KPNA7: variants seen among roughly 807,000 people sequenced by gnomAD.
KPNA7 encodes karyopherin subunit alpha 7, also known as importin subunit alpha-8.
Under a neutral mutation model 53.7 loss-of-function variants are expected in KPNA7, and 54 were observed. The ratio of observed to expected loss-of-function variants is 1.01; its 90% CI spans 0.81 to 1.26. The LOEUF (loss-of-function observed/expected upper bound fraction) is 1.26. KPNA7 is among the 50% of genes most tolerant of loss of function. The pLI, the probability that KPNA7 is intolerant of heterozygous loss-of-function variation, is 0.00. For missense variants in KPNA7, 640 were observed against 644.5 expected, an observed-to-expected ratio of 0.99 and a Z score of 0.07; for synonymous variants, 276 against 259.3, an observed-to-expected ratio of 1.06 and a Z score of -0.62.
chr7:99,168,378 G>A, the KPNA7 span, among the ~76,000 whole-genome samples: 4 of 152,092 alleles, frequency 2.6e-5, no homozygotes, highest in African/African-American at 9.7e-5. Context: ...GGAATAGGGG[G>A]GTTAGTATCC....
In KPNA7 at chr7:99,195,133, G is replaced by A. The variant is rs1295031684; in HGVS notation, c.490C>T (p.Leu164Phe). The change falls in exon 5 of 11, where the codon CTC (leucine) becomes TTC (phenylalanine). Residue 164 changes from leucine (L) to phenylalanine (F), a missense_variant. Physicochemically the swap from Leu to Phe is conservative, Grantham distance 22. Coordinates refer to ENST00000327442, the MANE Select transcript of KPNA7 (RefSeq NM_001145715.3). Reference sequence around the variant, plus strand: ...ACAGCCACGTTGGAGGAAGACAGGAGCTCAATCAAGGGCTGGATGGCTCCC... The same window carrying A: ...ACAGCCACGTTGGAGGAAGACAGGAACTCAATCAAGGGCTGGATGGCTCCC... The part of the protein sequence containing the change: ...EGGAIQPLIE[L>F]LSSSNVAVCE... The A allele has an allele frequency of 6.4e-7, 1 of 1,551,610 alleles. No homozygotes were observed.
intron 3 of KPNA7, among the ~76,000 whole-genome samples, chr7:99,196,530 G>C (rs1790237293): frequency 6.6e-6 from 1 of 152,162 alleles, no homozygotes; most frequent in African/African-American, 2.4e-5. Flanking sequence ...AACTTTTTCA[G>C]CACTGTAGAA....
chr7:99,187,925 C>A (rs1789701609), intron 7 of KPNA7, among the ~76,000 whole-genome samples: 1 of 149,994 alleles, frequency 6.7e-6, no homozygotes, highest in South Asian at 2.1e-4. Flanking sequence ...CCTCTAATCC[C>A]AGTCGTTTGG....
chr7:99,207,158 C>T (rs964230697), intron 2 of KPNA7, among the ~76,000 whole-genome samples: 14 of 152,116 alleles, frequency 9.2e-5, no homozygotes, highest in African/African-American at 3.4e-4. Context: ...CCTCAGCCTC[C>T]CAAGTAGCTG....
the KPNA7 span, among the ~76,000 whole-genome samples, chr7:99,158,782 G>C: frequency 5.3e-5 from 8 of 152,062 alleles, no homozygotes; most frequent in Non-Finnish European, 1.0e-4. Context: ...GATTACAGGT[G>C]TGAGCTACCA....
chr7:99,169,100 G>A (rs1160177975), downstream of KPNA7, among the ~76,000 whole-genome samples: 1 of 152,114 alleles, frequency 6.6e-6, no homozygotes, highest in Non-Finnish European at 1.5e-5. Flanking sequence ...CGGTTGCAGT[G>A]AGCTGAGATC....
At chr7:99,164,864 G>A in the KPNA7 span, among the ~76,000 whole-genome samples, 195 of 152,276 alleles carry the variant, frequency 1.3e-3, 1 homozygote, top group African/African-American at 4.5e-3. Context: ...TTGGGAGGCC[G>A]AGGCAGGAGG....
chr7:99,219,084 C>T (rs1264023509), intron 1 of KPNA7, among the ~76,000 whole-genome samples: 1 of 152,224 alleles, frequency 6.6e-6, no homozygotes, highest in Non-Finnish European at 1.5e-5. Flanking sequence ...GGTTCTTATG[C>T]GTGAACGCAG....
downstream of KPNA7, among the ~76,000 whole-genome samples, chr7:99,169,385 C>T (rs183278049): frequency 9.1e-4 from 138 of 151,752 alleles, no homozygotes; most frequent in African/African-American, 3.3e-3. Context: ...TTTGGGAGGC[C>T]GAGGTGGGCA....
chr7:99,203,019 G>A, intron 3 of KPNA7, 87 bp downstream of exon 3: 1 of 1,468,388 alleles, frequency 6.8e-7, no homozygotes, highest in African/African-American at 1.4e-5. Flanking sequence ...GAGTTTGCAA[G>A]TTCTGAATCT....
chr7:99,166,064 T>TTC, the KPNA7 span, among the ~76,000 whole-genome samples: 1 of 152,218 alleles, frequency 6.6e-6, no homozygotes, highest in East Asian at 1.9e-4. Flanking sequence ...CTGCCTCCCC[T>TTC]TCACCTTCTG....
intron 3 of KPNA7, 100 bp from the exon 4 acceptor site, chr7:99,196,266 G>C: frequency 3.8e-6 from 3 of 780,570 alleles, no homozygotes; most frequent in Non-Finnish European, 6.5e-6. Flanking sequence ...AGCCTGGCTT[G>C]AACAGGATGT....
At chr7:99,217,619 C>CTTGTTTTTT (rs1791247153) in intron 1 of KPNA7, among the ~76,000 whole-genome samples, 1 of 39,824 alleles carries the variant, frequency 2.5e-5, no homozygotes, top group African/African-American at 1.1e-4. Flanking sequence ...TCCACCTTGC[C>CTTGTTTTTT]TTTTTTTTTT....
intron 6 of KPNA7, among the ~76,000 whole-genome samples, chr7:99,190,371 A>G (rs1190932374): frequency 6.6e-6 from 1 of 151,762 alleles, no homozygotes; most frequent in Non-Finnish European, 1.5e-5. Context: ...AGCAGAAAAA[A>G]AAGAAAGAGC....
the KPNA7 span, among the ~76,000 whole-genome samples, chr7:99,165,849 G>A: frequency 2.0e-5 from 3 of 152,080 alleles, no homozygotes; most frequent in South Asian, 4.1e-4. Context: ...ATAGGGTTTC[G>A]ATTTGTGTCT....
At chr7:99,179,428 A>C (rs10235342) in intron 9 of KPNA7, among the ~76,000 whole-genome samples, 3,487 of 151,956 alleles carry the variant, frequency 0.023, 135 homozygotes, top group African/African-American at 0.08. Flanking sequence ...TGGTAGCACA[A>C]GCCTGTAATC....
chr7:99,215,727 C>T (rs1296058753), intron 1 of KPNA7, among the ~76,000 whole-genome samples: 4 of 151,990 alleles, frequency 2.6e-5, no homozygotes, highest in African/African-American at 7.3e-5. Flanking sequence ...GGCTCATGCC[C>T]GTAATCCCAG....
chr7:99,189,331 T>G (rs115975399), intron 6 of KPNA7, among the ~76,000 whole-genome samples: 3,585 of 152,230 alleles, frequency 0.024, 144 homozygotes, highest in African/African-American at 0.081. Context: ...CTTGCTATGT[T>G]GCCCAGTCTG....
At chr7:99,193,241 A>G in intron 5 of KPNA7, 140 bp from the exon 6 acceptor site, 1 of 520,826 alleles carries the variant, frequency 1.9e-6, no homozygotes, top group Non-Finnish European at 3.3e-6. Flanking sequence ...AGAGCCACGT[A>G]CTAAATTCTG....
Sources: gnomAD v4.1 joint callset for allele counts (sites outside exome capture counted in the v4.1 genomes callset) on GRCh38, gnomAD v4.1.1 for gene constraint, MANE v1.5 for transcripts, NCBI Gene and HGNC (gene_info 2026-07-23, HGNC 2026-07-21) for gene names.